Variants in MSRA observed in about 807,000 individuals in gnomAD.
MSRA encodes mitochondrial peptide methionine sulfoxide reductase.
MSRA carries 54 observed loss-of-function variants against 31.3 expected under a neutral mutation model. The observed-to-expected ratio is 1.73, with a 90% confidence interval of 1.39 to 2.17. The LOEUF (loss-of-function observed/expected upper bound fraction) is 2.17, where lower values mean the gene tolerates loss of function less well. MSRA is among the 30% of genes most tolerant of loss of function. The pLI is 0.00. For synonymous variants in MSRA, 169 were observed against 116.5 expected (o/e 1.45, Z -2.90); for missense variants, 507 against 300.9 (o/e 1.69, Z -5.07).
intron 1 of MSRA, among the ~76,000 whole-genome samples, chr8:10,190,791 A>C (rs1807440826): frequency 6.6e-6 from 1 of 152,204 alleles, no homozygotes. Flanking sequence ...ATTTTCAAGA[A>C]GGGTAGGAGA....
chr8:10,120,379 C>A lies in MSRA; in HGVS notation c.142+65721C>A, dbSNP rs1430098501. On this transcript the variant is annotated intron_variant, in intron 1 of 5. Coordinates refer to ENST00000317173, the MANE Select transcript of MSRA (RefSeq NM_012331.5). ...ATTTGGAAGAGGTATCACTCTAAGA[C>A]CTGTAATTTGCCCATCCGTGTCTGG... is the stretch of plus-strand genomic sequence containing the variant. Among the ~76,000 whole-genome samples, 4 of 152,090 alleles carry A rather than the reference C, an allele frequency of 2.6e-5. No individual in the cohort carries two copies. In the East Asian group the frequency reaches 7.7e-4, roughly 29 times the overall value.
chr8:10,300,829 A>G (rs1053800105), intron 3 of MSRA, among the ~76,000 whole-genome samples: 6 of 152,176 alleles, frequency 3.9e-5, no homozygotes, highest in African/African-American at 1.2e-4. Flanking sequence ...CACAGGTACA[A>G]GCAGTACTGC....
chr8:10,370,652 G>A (rs1279218842), intron 5 of MSRA, among the ~76,000 whole-genome samples: 12 of 152,112 alleles, frequency 7.9e-5, no homozygotes, highest in African/African-American at 2.4e-5. Context: ...CCTCTCCCTC[G>A]GGCCAACCAC....
At chr8:10,083,360 A>G (rs1798386438) in intron 1 of MSRA, among the ~76,000 whole-genome samples, 1 of 152,232 alleles carries the variant, frequency 6.6e-6, no homozygotes, top group Non-Finnish European at 1.5e-5. Context: ...GTTTTTAGAT[A>G]TGTGACACAT....
chr8:10,193,732 T>G (rs1377182687), intron 1 of MSRA, among the ~76,000 whole-genome samples: 2 of 152,222 alleles, frequency 1.3e-5, no homozygotes, highest in East Asian at 3.8e-4. Context: ...TCATTATGTT[T>G]CTTAATATGA....
At chr8:10,226,532 G>A (rs958340031) in intron 2 of MSRA, among the ~76,000 whole-genome samples, 11 of 152,112 alleles carry the variant, frequency 7.2e-5, no homozygotes, top group Admixed American at 2.6e-4. Context: ...CATGGTCATT[G>A]GCTCATTGGA....
intron 1 of MSRA, among the ~76,000 whole-genome samples, chr8:10,157,334 C>T (rs140180930): frequency 1.8e-4 from 27 of 152,290 alleles, no homozygotes; most frequent in African/African-American, 6.0e-4. Context: ...GCTTCCAGTT[C>T]TCTCACTGTC....
chr8:10,085,312 ACAT>A (rs1188196693), intron 1 of MSRA, among the ~76,000 whole-genome samples: 3 of 152,202 alleles, frequency 2.0e-5, no homozygotes, highest in Non-Finnish European at 4.4e-5. Context: ...TTTGAGATGA[ACAT>A]CATCTGTAAG....
intron 1 of MSRA, among the ~76,000 whole-genome samples, chr8:10,175,316 G>A (rs150947749): frequency 6.6e-6 from 1 of 152,150 alleles, no homozygotes; most frequent in African/African-American, 2.4e-5. Flanking sequence ...TATATGCTCA[G>A]TGTTCCCTTT....
chr8:10,405,808 C>T lies in MSRA; in HGVS notation c.544-22340C>T, dbSNP rs140910586. On this transcript the variant is annotated intron_variant, in intron 5 of 5. Transcript: ENST00000317173. ...ACATGTAATCACATACACACATGCT[C>T]GCGTACACCCATGTGCTCACACGTA... 2.4e-3 allele frequency among the ~76,000 whole-genome samples: 361 copies of T among 151,298 alleles called. 3 individuals carry two copies. Among genetic ancestry groups the T allele is most frequent in the African/African-American group, 7.5e-3 (312 of 41,432 alleles).
At chr8:10,253,859 T>TC (rs1369104263) in intron 3 of MSRA, among the ~76,000 whole-genome samples, 4 of 151,574 alleles carry the variant, frequency 2.6e-5, no homozygotes, top group Admixed American at 6.6e-5. Context: ...CTTTTTTTTT[T>TC]CTAAGTTACA....
chr8:10,358,750 G>A (rs535938338), intron 5 of MSRA, among the ~76,000 whole-genome samples: 1 of 149,584 alleles, frequency 6.7e-6, no homozygotes, highest in Admixed American at 6.6e-5. Context: ...CCGCCACTAC[G>A]CCCGGCTAAT....
chr8:10,313,469 A>T (rs945181512), intron 4 of MSRA, among the ~76,000 whole-genome samples: 1 of 147,664 alleles, frequency 6.8e-6, no homozygotes, highest in African/African-American at 2.5e-5. Context: ...AAAAAATCTA[A>T]AAAAAAAAAA....
intron 1 of MSRA, among the ~76,000 whole-genome samples, chr8:10,129,595 A>G (rs1801750731): frequency 6.6e-6 from 1 of 152,110 alleles, no homozygotes; most frequent in Non-Finnish European, 1.5e-5. Flanking sequence ...CCTGATTCTC[A>G]TGCAGGCTTA....
chr8:10,237,194 G>C (rs1451087375), intron 2 of MSRA, among the ~76,000 whole-genome samples: 1 of 152,208 alleles, frequency 6.6e-6, no homozygotes, highest in African/African-American at 2.4e-5. Flanking sequence ...CAATACTGAA[G>C]TTGTTTTTCT....
At chr8:10,261,524 T>C (rs1798482911) in intron 3 of MSRA, among the ~76,000 whole-genome samples, 1 of 152,172 alleles carries the variant, frequency 6.6e-6, no homozygotes, top group Non-Finnish European at 1.5e-5. Context: ...AGCAAGGCAT[T>C]CGTTTCTACA....
intron 2 of MSRA, among the ~76,000 whole-genome samples, chr8:10,229,266 G>A (rs1259793121): frequency 6.6e-6 from 1 of 152,194 alleles, no homozygotes; most frequent in East Asian, 1.9e-4. Flanking sequence ...GTCAATATAT[G>A]AAGACGCATT....
intron 1 of MSRA, chr8:10,095,703 A>G (rs1799107614): frequency 9.6e-7 from 1 of 1,045,722 alleles, no homozygotes; most frequent in African/African-American, 1.7e-5. Context: ...GGGGTACAGA[A>G]AAACTCAGAA....
intron 1 of MSRA, among the ~76,000 whole-genome samples, chr8:10,057,656 C>G (rs1045080225): frequency 1.3e-5 from 2 of 152,066 alleles, no homozygotes; most frequent in Non-Finnish European, 2.9e-5. Context: ...CCTTGCTGTT[C>G]TCGTGAGAGT....
Sources: allele counts gnomAD v4.1 joint callset (sites outside exome capture counted in the v4.1 genomes callset), GRCh38; gene constraint gnomAD v4.1.1; transcripts MANE v1.5; gene names NCBI Gene and HGNC (gene_info 2026-07-23, HGNC 2026-07-21).